The following SYTL2 variants were observed in gnomAD, a reference collection of about 807,000 sequenced individuals.
SYTL2 encodes the protein synaptotagmin like 2.
In SYTL2, 165 loss-of-function variants were observed where a neutral mutation model predicts 198.7. That is an observed-to-expected ratio of 0.83 (90% CI 0.73 to 0.94). The LOEUF is 0.94. SYTL2 is among the 40% of genes least tolerant of loss of function. The pLI is 0.00. For missense variants in SYTL2, 2,835 were observed against 2,582.8 expected, an observed-to-expected ratio of 1.10 and a Z score of -2.12; for synonymous variants, 966 against 917.7, an observed-to-expected ratio of 1.05 and a Z score of -0.95.
chr11:85,714,133 C>G (rs546038546), intron 12 of SYTL2, among the ~76,000 whole-genome samples: 1 of 152,308 alleles, frequency 6.6e-6, no homozygotes, highest in South Asian at 2.1e-4. Flanking sequence ...ATATACCTTC[C>G]TGGATTTCTT....
At chr11:85,842,116 G>T in the SYTL2 span, among the ~76,000 whole-genome samples, 3 of 152,194 alleles carry the variant, frequency 2.0e-5, no homozygotes, top group Non-Finnish European at 4.4e-5. Context: ...AGATTAGCTT[G>T]AAAGACTGAC....
intron 1 of SYTL2, among the ~76,000 whole-genome samples, chr11:85,787,672 ATTTCTTTTTTCTGTTTTTT>A (rs2092656796): frequency 1.1e-5 from 1 of 88,924 alleles, no homozygotes; most frequent in Non-Finnish European, 2.5e-5. Context: ...CCAATGGTTT[ATTTCTTTTTTCTGTTTTTT>A]TTTCTTTTCC....
At chr11:85,738,833 T>C (rs546341372) in intron 4 of SYTL2, among the ~76,000 whole-genome samples, 1 of 152,268 alleles carries the variant, frequency 6.6e-6, no homozygotes, top group African/African-American at 2.4e-5. Flanking sequence ...GTGGAACACC[T>C]GTCTTTTTCC....
At chr11:85,795,462 T>C (rs2153635426) in intron 1 of SYTL2, among the ~76,000 whole-genome samples, 1 of 152,328 alleles carries the variant, frequency 6.6e-6, no homozygotes, top group African/African-American at 2.4e-5. Context: ...ATGTTAATTG[T>C]ATCCCTAGTC....
chr11:85,789,787 A>ATC (rs2092703866), intron 1 of SYTL2, among the ~76,000 whole-genome samples: 1 of 152,114 alleles, frequency 6.6e-6, no homozygotes, highest in South Asian at 2.1e-4. Flanking sequence ...ACAAATGTGG[A>ATC]TCTCTACATT....
intron 7 of SYTL2, among the ~76,000 whole-genome samples, chr11:85,732,754 T>A (rs528470416): frequency 1.1e-3 from 164 of 152,150 alleles, no homozygotes; most frequent in South Asian, 5.2e-3. Context: ...TTAAAAAAAA[T>A]TTTTTTTAAA....
At chr11:85,719,203 C>A (rs2087871078) in intron 9 of SYTL2, 1 of 1,243,788 alleles carries the variant, frequency 8.0e-7, no homozygotes, top group African/African-American at 1.5e-5. Context: ...TAACACCTTC[C>A]CAAACCCATG....
At chr11:85,829,049 GTTTT>G in the SYTL2 span, among the ~76,000 whole-genome samples, 44 of 146,456 alleles carry the variant, frequency 3.0e-4, no homozygotes, top group East Asian at 1.4e-3. Context: ...AAAGAGCTCT[GTTTT>G]TTTTTTTTTG....
intron 9 of SYTL2, 125 bp from the exon 10 acceptor site, chr11:85,718,968 C>G (rs1405571191): frequency 1.3e-6 from 2 of 1,539,328 alleles, no homozygotes; most frequent in Non-Finnish European, 1.7e-6. Context: ...GGGGTGCAAC[C>G]AAGATGTCTT....
intron 4 of SYTL2, among the ~76,000 whole-genome samples, chr11:85,740,638 C>T (rs2090715021): frequency 6.6e-6 from 1 of 152,310 alleles, no homozygotes; most frequent in Non-Finnish European, 1.5e-5. Flanking sequence ...ATACATTCCA[C>T]ATGATAAGAT....
At chr11:85,754,624 T>C (rs2091750126) in intron 2 of SYTL2, among the ~76,000 whole-genome samples, 1 of 152,248 alleles carries the variant, frequency 6.6e-6, no homozygotes, top group South Asian at 2.1e-4. Context: ...AATCTCTCGC[T>C]ATCTCTTGCT....
At chr11:85,790,231 A>G (rs76268481) in intron 1 of SYTL2, among the ~76,000 whole-genome samples, 3,217 of 152,274 alleles carry the variant, frequency 0.021, 62 homozygotes, top group Admixed American at 0.039. Context: ...CAAAATGTTT[A>G]GGTTTTGGAA....
intron 1 of SYTL2, among the ~76,000 whole-genome samples, chr11:85,802,728 T>C (rs1442742158): frequency 1.3e-5 from 2 of 152,196 alleles, no homozygotes; most frequent in African/African-American, 2.4e-5. Context: ...AGTGACTCTA[T>C]GCAAGACACA....
chr11:85,713,229 T>C (rs2086622829), intron 12 of SYTL2, among the ~76,000 whole-genome samples: 1 of 152,210 alleles, frequency 6.6e-6, no homozygotes. Flanking sequence ...ATAATTTATG[T>C]GTTGCCCAGA....
At chr11:85,753,230 G>A (rs985043669) in intron 2 of SYTL2, among the ~76,000 whole-genome samples, 2 of 152,084 alleles carry the variant, frequency 1.3e-5, no homozygotes, top group African/African-American at 2.4e-5. Context: ...CTTAAAGGTG[G>A]GTCAGGGCAG....
chr11:85,747,848 C>T (rs1166269785), intron 3 of SYTL2, among the ~76,000 whole-genome samples: 2 of 152,132 alleles, frequency 1.3e-5, no homozygotes, highest in Non-Finnish European at 2.9e-5. Context: ...AATGTCTTTA[C>T]GGTCTCTTAA....
the SYTL2 span, among the ~76,000 whole-genome samples, chr11:85,816,769 C>G: frequency 1.3e-5 from 2 of 152,120 alleles, no homozygotes; most frequent in African/African-American, 4.8e-5. Flanking sequence ...TAAAAAATAG[C>G]TGGACGTGGT....
the SYTL2 span, among the ~76,000 whole-genome samples, chr11:85,849,604 C>T: frequency 7.8e-4 from 117 of 150,582 alleles, 1 homozygote; most frequent in African/African-American, 9.8e-4. Flanking sequence ...TGTAGATATG[C>T]GGCGTTATTT....
chr11:85,816,515 C>T, the SYTL2 span, among the ~76,000 whole-genome samples: 2 of 152,098 alleles, frequency 1.3e-5, no homozygotes, highest in African/African-American at 4.8e-5. Context: ...TTAATGGATA[C>T]AGAGTCTCAG....
Sources: gnomAD v4.1 joint callset for allele counts (sites outside exome capture counted in the v4.1 genomes callset) on GRCh38, gnomAD v4.1.1 for gene constraint, MANE v1.5 for transcripts, NCBI Gene and HGNC (gene_info 2026-07-23, HGNC 2026-07-21) for gene names.